The following FBXL19 variants were observed in gnomAD, a reference collection of about 807,000 sequenced individuals.
The protein encoded by FBXL19 is F-box/LRR-repeat protein 19.
FBXL19 carries 16 observed loss-of-function variants against 71.2 expected under a neutral mutation model. The observed-to-expected ratio is 0.22, with a 90% CI of 0.15 to 0.34. The LOEUF (loss-of-function observed/expected upper bound fraction) is 0.34, where lower values mean the gene tolerates loss of function less well. Ranked by LOEUF, FBXL19 falls within the 10% of genes least tolerant of loss-of-function variation. The pLI is 1.00. For missense variants in FBXL19, 658 were observed against 968.2 expected, an observed-to-expected ratio of 0.68 and a Z score of 4.25; for synonymous variants, 447 against 409.4, an observed-to-expected ratio of 1.09 and a Z score of -1.11.
intron 2 of FBXL19, 41 bp from the exon 3 acceptor site, chr16:30,927,267 G>A: frequency 6.6e-7 from 1 of 1,523,938 alleles, no homozygotes; most frequent in Non-Finnish European, 8.8e-7. Flanking sequence ...TTCCCCTGTT[G>A]TTAGCTTTCG....
At chr16:30,932,923 C>T (rs1596652629) in intron 7 of FBXL19, among the ~76,000 whole-genome samples, 1 of 150,834 alleles carries the variant, frequency 6.6e-6, no homozygotes, top group East Asian at 2.0e-4. Context: ...TCACTGCAAC[C>T]TCCACCTTCC....
At position 30,927,471 on chromosome 16, in the gene FBXL19, G is replaced by A. The variant is rs370755183; in HGVS notation, c.321+20G>A. 2.5e-4 allele frequency: 401 copies of A among 1,580,478 alleles called. No individual in the cohort carries two copies. The highest frequency in any genetic ancestry group is 3.2e-4 in the Non-Finnish European group (370 of 1,163,204). On this transcript the variant is annotated intron_variant, in intron 3 of 10. Transcript: ENST00000338343. ...CTGAAGGTGATGGCCCTGGGACCCCGGCGTCTGGGGTGGGGCAGATTGTCA... is the reference window on the plus strand; with the variant it reads ...CTGAAGGTGATGGCCCTGGGACCCCAGCGTCTGGGGTGGGGCAGATTGTCA...
chr16:30,947,083 G>T lies in FBXL19; in HGVS notation c.1878G>T (p.Pro626=), dbSNP rs371132187. 4 of 1,596,216 alleles carry T rather than the reference G, an allele frequency of 2.5e-6. No homozygotes were observed. In the South Asian group the frequency reaches 4.5e-5, roughly 18 times the overall value. ...GCHRLTDHCL[P]LFRRCPRLRR... is the part of the protein sequence containing the mutation. Reference sequence around the variant, plus strand: ...ACCGCCTAACGGACCACTGCCTCCCGCTGTTCCGCCGCTGCCCTCGTCTAC... The same window carrying T: ...ACCGCCTAACGGACCACTGCCTCCCTCTGTTCCGCCGCTGCCCTCGTCTAC... Residue 626 remains proline (P), a synonymous_variant, in exon 11 of 11, where the codon CCG becomes CCT. Coordinates refer to ENST00000338343, the MANE Select transcript of FBXL19 (RefSeq NM_001382779.1).
Position 30,928,529 on chromosome 16 carries a change from A to G in FBXL19, c.690A>G (p.Gly230=). 1 of 1,608,238 alleles carries G rather than the reference A, an allele frequency of 6.2e-7. No homozygotes were observed. Among genetic ancestry groups the G allele is most frequent in the Non-Finnish European group, 8.5e-7 (1 of 1,177,240 alleles). Residue 230 remains glycine (G), a synonymous_variant, in exon 6 of 11, where the codon GGA becomes GGG. Transcript: ENST00000338343. ...GTGGAGACGCCTGCCTCCTCCGAGG[A>G]TCGGACCCAGGCGGCCCGGGCCTGC... ...KVGGDACLLR[G]SDPGGPGLLP...
chr16:30,928,425 G>A (rs1329933272), intron 5 of FBXL19, 42 bp from the exon 6 acceptor site: 1 of 1,498,588 alleles, frequency 6.7e-7, no homozygotes, highest in Non-Finnish European at 8.9e-7. Context: ...AGGGCCTAAT[G>A]GGGTCTCTCC....
rs770753963 is a variant in FBXL19 at position 30,928,538 on chromosome 16, A to G, written c.699A>G (p.Pro233=). ...CCTGCCTCCTCCGAGGATCGGACCC[A>G]GGCGGCCCGGGCCTGCTGCCCCCCA... The part of the protein sequence containing the change: ...GDACLLRGSD[P]GGPGLLPPRV... The change falls in exon 6 of 11, where the codon CCA becomes CCG. Residue 233 remains proline, a synonymous_variant. Transcript: ENST00000338343. 7.5e-5 allele frequency: 121 copies of G among 1,608,220 alleles called. No individual in the cohort carries two copies. The highest frequency in any genetic ancestry group is 9.9e-5 in the Non-Finnish European group (117 of 1,177,300).
chr16:30,923,294 C>T, upstream of FBXL19: 1 of 438,698 alleles, frequency 2.3e-6, no homozygotes, highest in South Asian at 1.6e-5. Context: ...CTCGGGGCAA[C>T]GGGACTCTAA....
chr16:30,929,455 G>T (rs182751370), intron 6 of FBXL19, among the ~76,000 whole-genome samples: 2 of 152,306 alleles, frequency 1.3e-5, no homozygotes, highest in African/African-American at 4.8e-5. Flanking sequence ...GCCATCCAGA[G>T]TTGAGGGCAA....
intron 7 of FBXL19, among the ~76,000 whole-genome samples, chr16:30,939,696 G>C (rs1483997096): frequency 6.6e-6 from 1 of 152,062 alleles, no homozygotes; most frequent in East Asian, 1.9e-4. Context: ...GGGATTACAC[G>C]CATGAGCCAC....
At position 30,923,812 on chromosome 16, in the gene FBXL19, G is replaced by A. The variant is rs1490568486; in HGVS notation, c.-672G>A. Among the ~76,000 whole-genome samples the A allele has an allele frequency of 6.6e-6, 1 of 151,102 alleles. No individual in the cohort carries two copies. The highest frequency in any genetic ancestry group is 2.0e-4 in the East Asian group (1 of 5,102). The stretch of plus-strand genomic sequence containing the variant: ...CGCGCTTGGGGGAGGGGGAGAGGTC[G>A]GGGGTGCGCGCGGGCTGGGGGGGGC... On this transcript the variant is annotated 5_prime_UTR_variant, in exon 1 of 11. Transcript: ENST00000338343.
At chr16:30,945,661 TCAAA>T (rs2055849766) in intron 9 of FBXL19, among the ~76,000 whole-genome samples, 1 of 124,882 alleles carries the variant, frequency 8.0e-6, no homozygotes. Flanking sequence ...AGACTCCATC[TCAAA>T]AAAAAAAAAA....
chr16:30,927,371 G>A lies in FBXL19; in HGVS notation c.241G>A (p.Glu81Lys), dbSNP rs2143311329. 1.3e-6 allele frequency: 2 copies of A among 1,592,814 alleles called. No homozygotes were observed. The highest frequency in any genetic ancestry group is 4.5e-5 in the East Asian group (2 of 44,140). ...CGEAGKEDTV[E>K]GEEEKFGLSL... The stretch of plus-strand genomic sequence containing the variant: ...GGAGGCTGGGAAGGAGGACACGGTG[G>A]AGGGAGAGGAAGAGAAATTTGGTTT... The change falls in exon 3 of 11, where the codon GAG becomes AAG. Residue 81 changes from glutamate to lysine, a missense_variant. Transcript: ENST00000338343.
chr16:30,926,495 C>T (rs570288244), intron 2 of FBXL19, among the ~76,000 whole-genome samples: 124 of 152,232 alleles, frequency 8.1e-4, no homozygotes, highest in African/African-American at 2.9e-3. Flanking sequence ...CATGGGTTTC[C>T]GCCCTGCCTT....
chr16:30,927,266 T>C, intron 2 of FBXL19, 42 bp from the exon 3 acceptor site: 1 of 1,522,306 alleles, frequency 6.6e-7, no homozygotes, highest in South Asian at 1.2e-5. Context: ...TTTCCCCTGT[T>C]GTTAGCTTTC....
intron 6 of FBXL19, among the ~76,000 whole-genome samples, chr16:30,929,590 G>A (rs1259765849): frequency 2.6e-5 from 4 of 152,098 alleles, no homozygotes; most frequent in East Asian, 1.9e-4. Context: ...ACAGAGTCTC[G>A]CTCTGTCGCC....
rs1417872611 is a variant in FBXL19, at chr16:30,942,566, T to C, written c.1627+30T>C. The stretch of plus-strand genomic sequence containing the variant: ...AACCTCTGTTTGCTTTTCTGGAGAA[T>C]GGGCTGGGCAAGGGTAGGGTAGGAG... On this transcript the variant is annotated intron_variant, in intron 9 of 10. Coordinates refer to ENST00000338343, the MANE Select transcript of FBXL19 (RefSeq NM_001382779.1). This position sits in a 1 kb window ranked among gnomAD's most constrained non-coding sequence, Gnocchi z 5.7. The C allele has an allele frequency of 1.9e-6, 3 of 1,546,642 alleles. No individual in the cohort carries two copies. The East Asian group carries it at 7.1e-5, about 37-fold the overall frequency.
chr16:30,941,559 A>G (rs1383242170), intron 7 of FBXL19, among the ~76,000 whole-genome samples: 2 of 152,136 alleles, frequency 1.3e-5, no homozygotes, highest in Non-Finnish European at 1.5e-5. Flanking sequence ...AATAGGGAAG[A>G]TATTAGGGCT....
chr16:30,930,207 GGACTCA>G lies in FBXL19; in HGVS notation c.930_935del (p.Asp315_Ser316del). ...TGCCTGACACCTCCTCTTCCTCCTCGGACTCAGACTCCGACTCCGACTCTTCGGGCA... is the reference window on the plus strand; with the variant it reads ...TGCCTGACACCTCCTCTTCCTCCTCGGACTCCGACTCCGACTCTTCGGGCA... On this transcript the variant is annotated inframe_deletion, in exon 7 of 11. Coordinates refer to ENST00000338343, the MANE Select transcript of FBXL19 (RefSeq NM_001382779.1). This position sits in a 1 kb window ranked among gnomAD's most constrained non-coding sequence, Gnocchi z 8.5. 6.2e-7 allele frequency: 1 copy of G among 1,613,170 alleles called. No individual in the cohort carries two copies.
At chr16:30,926,316 G>C (rs1349903068) in intron 2 of FBXL19, among the ~76,000 whole-genome samples, 1 of 152,200 alleles carries the variant, frequency 6.6e-6, no homozygotes, top group Non-Finnish European at 1.5e-5. Context: ...GGTGGTCTTG[G>C]ATTTGAGGCT....
Sources: allele counts gnomAD v4.1 joint callset (sites outside exome capture counted in the v4.1 genomes callset), GRCh38; gene constraint gnomAD v4.1.1; non-coding constraint Gnocchi (gnomAD v3.1); transcripts MANE v1.5; gene names NCBI Gene and HGNC (gene_info 2026-07-23, HGNC 2026-07-21).